ICOS: variants seen among roughly 807,000 people sequenced by gnomAD.
ICOS encodes inducible T cell costimulator.
Under a neutral mutation model 24.6 loss-of-function variants are expected in ICOS, and 15 were observed. The observed-to-expected ratio is 0.61, with a 90% confidence interval of 0.41 to 0.94. The LOEUF (loss-of-function observed/expected upper bound fraction) is 0.94, where lower values mean the gene tolerates loss of function less well. ICOS is among the 40% of genes least tolerant of loss of function. The pLI is 0.00. For missense variants in ICOS, 200 were observed against 233.0 expected, an observed-to-expected ratio of 0.86 and a Z score of 0.92; for synonymous variants, 89 against 77.5, an observed-to-expected ratio of 1.15 and a Z score of -0.78.
chr2:203,953,032 C>T (rs1240283983), intron 1 of ICOS, among the ~76,000 whole-genome samples: 4 of 152,118 alleles, frequency 2.6e-5, no homozygotes, highest in African/African-American at 7.2e-5. Context: ...TAATGCAAAT[C>T]TCCTTAAAGA....
chr2:203,948,914 G>T (rs77815553), intron 1 of ICOS, among the ~76,000 whole-genome samples: 10,027 of 152,292 alleles, frequency 0.066, 457 homozygotes, highest in Non-Finnish European at 0.1. Context: ...CTGTGGTGTA[G>T]TGTGTGACTG....
chr2:203,943,675 T>C (rs1165413449), intron 1 of ICOS, among the ~76,000 whole-genome samples: 2 of 152,108 alleles, frequency 1.3e-5, no homozygotes, highest in Non-Finnish European at 2.9e-5. Flanking sequence ...TCAGCTGTAA[T>C]AGTATAGAGA....
intron 1 of ICOS, among the ~76,000 whole-genome samples, chr2:203,941,075 C>T (rs751513799): frequency 1.3e-5 from 2 of 152,090 alleles, no homozygotes; most frequent in Non-Finnish European, 2.9e-5. Flanking sequence ...GGATTACAGG[C>T]GTGAGCCACC....
intron 1 of ICOS, among the ~76,000 whole-genome samples, chr2:203,939,280 C>G (rs74337702): frequency 0.019 from 2,954 of 152,148 alleles, 95 homozygotes; most frequent in African/African-American, 0.066. Context: ...TGATTCTGAT[C>G]ACCTTTGTTA....
chr2:203,953,158 G>C lies in ICOS; in HGVS notation c.59-2478G>C, dbSNP rs951305433. On this transcript the variant is annotated intron_variant, in intron 1 of 4. Coordinates refer to ENST00000316386, the MANE Select transcript of ICOS (RefSeq NM_012092.4). ...CTGTGCTCCAAGAATGTAACTCTTT[G>C]GGGTCCCAATTTATTGGGGAGAGGG... 3.9e-5 allele frequency among the ~76,000 whole-genome samples: 6 copies of C among 152,216 alleles called. No homozygotes were observed. In the East Asian group the frequency reaches 1.2e-3, roughly 29 times the overall value.
At chr2:203,950,202 G>GCCTAGGTCTAGGGGTCTAGGGT (rs1689945446) in intron 1 of ICOS, among the ~76,000 whole-genome samples, 1 of 152,182 alleles carries the variant, frequency 6.6e-6, no homozygotes, top group Admixed American at 6.5e-5. Context: ...GGGTCTAGGG[G>GCCTAGGTCTAGGGGTCTAGGGT]CCTAGGTCTA....
intron 1 of ICOS, among the ~76,000 whole-genome samples, chr2:203,941,395 C>T (rs1473488004): frequency 6.6e-6 from 1 of 152,090 alleles, no homozygotes; most frequent in Non-Finnish European, 1.5e-5. Context: ...ATTCCCATTT[C>T]TTGGTAGAAA....
intron 1 of ICOS, among the ~76,000 whole-genome samples, chr2:203,940,526 T>A (rs1175405385): frequency 4.6e-5 from 7 of 152,158 alleles, no homozygotes; most frequent in Admixed American, 1.3e-4. Flanking sequence ...CCTTGATGAG[T>A]GACTGATATC....
chr2:203,946,408 C>T, intron 1 of ICOS, among the ~76,000 whole-genome samples: 1 of 18,614 alleles, frequency 5.4e-5, no homozygotes, highest in South Asian at 4.7e-3. Flanking sequence ...TTCTTCTTCC[C>T]ATTTTTTTTT....
At chr2:203,951,627 A>G (rs1689975330) in intron 1 of ICOS, among the ~76,000 whole-genome samples, 1 of 152,184 alleles carries the variant, frequency 6.6e-6, no homozygotes, top group African/African-American at 2.4e-5. Flanking sequence ...CTGCTGAGAA[A>G]ATCATCTTCG....
In ICOS at chr2:203,937,432, G is replaced by T. The variant is rs146825994; in HGVS notation, c.58+560G>T. ...AAGGATAATGTAAAAATACTTCCTA[G>T]CCCCTGTAGACCTTACAAAAAAGAT... On this transcript the variant is annotated intron_variant, in intron 1 of 4. Transcript: ENST00000316386. Among the ~76,000 whole-genome samples the T allele has an allele frequency of 9.3e-4, 142 of 152,134 alleles. 1 individual carries two copies. The highest frequency in any genetic ancestry group is 3.3e-3 in the African/African-American group (137 of 41,524).
chr2:203,957,447 G>C (rs1690096954), intron 3 of ICOS, among the ~76,000 whole-genome samples: 1 of 152,188 alleles, frequency 6.6e-6, no homozygotes, highest in African/African-American at 2.4e-5. Flanking sequence ...TATTACGCGA[G>C]TATGCTAGTA....
Position 203,955,794 on chromosome 2 carries a change from AAC to A in ICOS, c.221_222del (p.Thr74SerfsTer4). The A allele has an allele frequency of 6.2e-7, 1 of 1,613,880 alleles. No individual in the cohort carries two copies. The highest frequency in any genetic ancestry group is 8.5e-7 in the Non-Finnish European group (1 of 1,179,854). ...TCTCACTAAGACAAAAGGAAGTGGA[AAC>A]ACAGTGTCCATTAAGAGTCTGAAAT... ...CDLTKTKGSG[N>X]TVSIKSLKFC... On this transcript the variant is annotated frameshift_variant, in exon 2 of 5. Transcript: ENST00000316386. LOFTEE classifies it high-confidence loss of function.
At position 203,946,049 on chromosome 2, in the gene ICOS, C is replaced by G. The variant is rs568273349; in HGVS notation, c.58+9177C>G. On this transcript the variant is annotated intron_variant, in intron 1 of 4. Coordinates refer to ENST00000316386, the MANE Select transcript of ICOS (RefSeq NM_012092.4). ...TTCAGAGGTGTGGATAAAATCCTCT[C>G]TCCCTCCCACTCTGTGGAAGAGAGT... 2.0e-5 allele frequency among the ~76,000 whole-genome samples: 3 copies of G among 152,290 alleles called. No homozygotes were observed. In the South Asian group the frequency reaches 6.2e-4, roughly 32 times the overall value.
At chr2:203,943,162 G>T (rs1689807006) in intron 1 of ICOS, among the ~76,000 whole-genome samples, 1 of 152,136 alleles carries the variant, frequency 6.6e-6, no homozygotes, top group Admixed American at 6.5e-5. Flanking sequence ...GGTAGATGAA[G>T]AATTTCTTCT....
chr2:203,943,994 C>G (rs1225031891), intron 1 of ICOS, among the ~76,000 whole-genome samples: 1 of 152,144 alleles, frequency 6.6e-6, no homozygotes, highest in Non-Finnish European at 1.5e-5. Context: ...CTAATCATGC[C>G]TCCTCTAACC....
At chr2:203,943,324 G>GT (rs1689810334) in intron 1 of ICOS, among the ~76,000 whole-genome samples, 4 of 81,680 alleles carry the variant, frequency 4.9e-5, no homozygotes, top group Non-Finnish European at 1.5e-4. Flanking sequence ...CTGTTCTTCA[G>GT]ATTTTTTTTT....
chr2:203,950,579 T>C (rs1689951326), intron 1 of ICOS, among the ~76,000 whole-genome samples: 1 of 152,222 alleles, frequency 6.6e-6, no homozygotes, highest in Non-Finnish European at 1.5e-5. Context: ...AAAATAGTTA[T>C]GAAATAATTA....
intron 1 of ICOS, among the ~76,000 whole-genome samples, chr2:203,950,620 T>G (rs747191315): frequency 1.3e-5 from 2 of 152,230 alleles, no homozygotes; most frequent in South Asian, 4.1e-4. Context: ...ACATTCGAAC[T>G]GCAGACTTAG....
Sources: gnomAD v4.1 joint callset for allele counts (sites outside exome capture counted in the v4.1 genomes callset) on GRCh38, gnomAD v4.1.1 for gene constraint, MANE v1.5 for transcripts, NCBI Gene and HGNC (gene_info 2026-07-23, HGNC 2026-07-21) for gene names.